The following INTS4 variants were observed in gnomAD, a reference collection of about 807,000 sequenced individuals.
INTS4 encodes the protein MSTP093.
Under a neutral mutation model 119.5 loss-of-function variants are expected in INTS4, and 70 were observed. The ratio of observed to expected loss-of-function variants is 0.59; its 90% CI spans 0.48 to 0.71. The LOEUF (loss-of-function observed/expected upper bound fraction) is 0.71. Among genes scored for constraint, INTS4 ranks in the 30% least tolerant of loss-of-function variants. The pLI is 0.00. For missense variants in INTS4, 867 were observed against 1,173.2 expected, an observed-to-expected ratio of 0.74 and a Z score of 3.81; for synonymous variants, 316 against 419.6, an observed-to-expected ratio of 0.75 and a Z score of 3.02.
chr11:77,913,671 T>C (rs1251720559), intron 15 of INTS4, among the ~76,000 whole-genome samples: 1 of 152,218 alleles, frequency 6.6e-6, no homozygotes, highest in Non-Finnish European at 1.5e-5. Context: ...ATGTAACTGA[T>C]ATTCTCAAAA....
intron 4 of INTS4, among the ~76,000 whole-genome samples, chr11:77,962,143 T>C (rs1398078798): frequency 2.0e-5 from 3 of 152,178 alleles, no homozygotes; most frequent in Non-Finnish European, 4.4e-5. Flanking sequence ...ACTATAGGCA[T>C]GTGGTGGCAC....
At position 77,928,332 on chromosome 11, in the gene INTS4, A is replaced by C. The variant is rs1216812213; in HGVS notation, c.1371+10T>G. 2.0e-5 allele frequency: 32 copies of C among 1,612,874 alleles called. No homozygotes were observed. Among genetic ancestry groups the C allele is most frequent in the Non-Finnish European group, 2.6e-5 (31 of 1,179,456 alleles). On this transcript the variant is annotated intron_variant, in intron 11 of 22. Coordinates refer to ENST00000534064, the MANE Select transcript of INTS4 (RefSeq NM_033547.4). ...GATGAAGAAATGAGTAACAAATTAG[A>C]AACACTCACCTCTAGCACAGCCAGG...
chr11:77,894,868 C>T (rs891777382), intron 18 of INTS4, among the ~76,000 whole-genome samples: 3 of 152,212 alleles, frequency 2.0e-5, no homozygotes, highest in African/African-American at 7.2e-5. Flanking sequence ...GTATCGGCAT[C>T]TGGAAACTAG....
At chr11:77,969,046 T>A (rs1855604498) in intron 4 of INTS4, among the ~76,000 whole-genome samples, 1 of 151,956 alleles carries the variant, frequency 6.6e-6, no homozygotes, top group African/African-American at 2.4e-5. Flanking sequence ...CTGGTTCAAG[T>A]GATTCTCATG....
chr11:77,892,805 G>T (rs1397910706), intron 19 of INTS4, among the ~76,000 whole-genome samples: 2 of 152,038 alleles, frequency 1.3e-5, no homozygotes, highest in Non-Finnish European at 2.9e-5. Flanking sequence ...GGCTGGTCTC[G>T]AACTCCTGAC....
At chr11:77,993,358 C>T (rs1856772846) in intron 1 of INTS4, among the ~76,000 whole-genome samples, 1 of 152,158 alleles carries the variant, frequency 6.6e-6, no homozygotes, top group Non-Finnish European at 1.5e-5. Context: ...AATGTTAAGT[C>T]CACTGGGTGG....
chr11:77,895,557 A>G (rs1036870241), intron 18 of INTS4, among the ~76,000 whole-genome samples: 23 of 117,482 alleles, frequency 2.0e-4, no homozygotes, highest in South Asian at 2.7e-4. Context: ...AAAAAAAAAA[A>G]GTAGCACTTG....
chr11:77,882,607 C>T (rs964650815), intron 22 of INTS4, among the ~76,000 whole-genome samples: 7 of 152,142 alleles, frequency 4.6e-5, no homozygotes, highest in African/African-American at 1.7e-4. Context: ...TCCAGGCAGC[C>T]AGATTATGGA....
chr11:77,975,635 G>A (rs1454333689), intron 4 of INTS4, among the ~76,000 whole-genome samples: 1 of 152,074 alleles, frequency 6.6e-6, no homozygotes, highest in Non-Finnish European at 1.5e-5. Context: ...ATCTGCCATT[G>A]ACAAACAGTT....
chr11:77,935,534 C>T (rs923080522), intron 10 of INTS4, among the ~76,000 whole-genome samples: 3 of 152,134 alleles, frequency 2.0e-5, no homozygotes, highest in African/African-American at 7.2e-5. Context: ...GGAAAAGAAC[C>T]ACTCAAAACA....
rs572190328 is a variant in INTS4, at chr11:77,939,274, G to C, written c.991-449C>G. On this transcript the variant is annotated intron_variant, in intron 9 of 22. Coordinates refer to ENST00000534064, the MANE Select transcript of INTS4 (RefSeq NM_033547.4). ...AGGCTGATCACGAGGTCAGGAGATTGAGACCATCCTGGCCAACATGGTGAA... is the reference window on the plus strand; with the variant it reads ...AGGCTGATCACGAGGTCAGGAGATTCAGACCATCCTGGCCAACATGGTGAA... 1.5e-4 allele frequency among the ~76,000 whole-genome samples: 23 copies of C among 152,252 alleles called. No homozygotes were observed. In the East Asian group the frequency reaches 4.2e-3, roughly 28 times the overall value.
intron 18 of INTS4, among the ~76,000 whole-genome samples, chr11:77,896,451 A>G (rs1952522336): frequency 6.6e-6 from 1 of 152,190 alleles, no homozygotes. Context: ...CAGAAGTTCA[A>G]GACCAGCCTG....
At chr11:77,913,817 G>C (rs1461795018) in intron 15 of INTS4, among the ~76,000 whole-genome samples, 2 of 152,146 alleles carry the variant, frequency 1.3e-5, no homozygotes, top group Admixed American at 6.6e-5. Context: ...GTGTATGACA[G>C]TGAAATTTGT....
intron 8 of INTS4, among the ~76,000 whole-genome samples, chr11:77,945,605 G>A (rs1954029444): frequency 6.6e-6 from 1 of 152,134 alleles, no homozygotes; most frequent in Non-Finnish European, 1.5e-5. Context: ...TGCACAGCAA[G>A]GAAGCCATCA....
chr11:77,885,737 T>C (rs1379749006), intron 21 of INTS4, among the ~76,000 whole-genome samples: 1 of 152,040 alleles, frequency 6.6e-6, no homozygotes, highest in Non-Finnish European at 1.5e-5. Flanking sequence ...GAGAATCACT[T>C]GAACCTGGGA....
chr11:77,882,202 C>A (rs1209059461), intron 22 of INTS4, among the ~76,000 whole-genome samples: 3 of 152,190 alleles, frequency 2.0e-5, no homozygotes, highest in African/African-American at 7.2e-5. Context: ...AGCCACCAGG[C>A]CTGGCTGTGA....
At chr11:77,897,185 T>C (rs1415728688) in intron 18 of INTS4, among the ~76,000 whole-genome samples, 2 of 151,796 alleles carry the variant, frequency 1.3e-5, no homozygotes, top group African/African-American at 4.9e-5. Context: ...AGAACAGTGG[T>C]GGCAAAGTTG....
chr11:77,987,801 G>C (rs1856515112), intron 2 of INTS4: 1 of 356,080 alleles, frequency 2.8e-6, no homozygotes, highest in Admixed American at 3.4e-5. Flanking sequence ...TTGAGCCTGG[G>C]AGTCCAGACT....
intron 16 of INTS4, among the ~76,000 whole-genome samples, chr11:77,904,930 A>C (rs1399896296): frequency 1.3e-5 from 2 of 152,200 alleles, no homozygotes; most frequent in Non-Finnish European, 2.9e-5. Flanking sequence ...TATGAGTGCC[A>C]AGCTGACAAG....
Sources: gnomAD v4.1 joint callset for allele counts (sites outside exome capture counted in the v4.1 genomes callset) on GRCh38, gnomAD v4.1.1 for gene constraint, MANE v1.5 for transcripts, NCBI Gene and HGNC (gene_info 2026-07-23, HGNC 2026-07-21) for gene names.